SOX5: variants seen among roughly 807,000 people sequenced by gnomAD.
SOX5 encodes transcription factor SOX-5.
A neutral mutation model predicts 92.0 loss-of-function variants in SOX5; 9 were observed. The ratio of observed to expected loss-of-function variants is 0.10; its 90% CI spans 0.06 to 0.17. The LOEUF (loss-of-function observed/expected upper bound fraction) is 0.17. Ranked by LOEUF, SOX5 falls within the 10% of genes least tolerant of loss-of-function variation. The pLI, the probability that SOX5 is intolerant of heterozygous loss-of-function variation, is 1.00. For missense variants in SOX5, 642 were observed against 944.5 expected (o/e 0.68, Z 4.20); for synonymous variants, 344 against 336.3 (o/e 1.02, Z -0.25).
chr12:24,406,250 A>G lies in SOX5; in HGVS notation c.-250-37611T>C, dbSNP rs111585236. 2.2e-3 allele frequency among the ~76,000 whole-genome samples: 338 copies of G among 152,314 alleles called. 2 individuals carry two copies. The highest frequency in any genetic ancestry group is 7.5e-3 in the African/African-American group (313 of 41,578). ...CCAAATCAGAGGCCAGAGGGAACAG[A>G]CTATCTGAAACCAGGTGCTGAGTGG... On this transcript the variant is annotated intron_variant, in intron 1 of 4. Transcript: ENST00000446891.
intron 3 of SOX5, among the ~76,000 whole-genome samples, chr12:24,272,863 T>A (rs1191933722): frequency 1.3e-5 from 2 of 152,114 alleles, no homozygotes; most frequent in Admixed American, 1.3e-4. Flanking sequence ...AGCTTTGGTA[T>A]GAAAATTATA....
chr12:24,349,038 G>C (rs770487382), intron 2 of SOX5, among the ~76,000 whole-genome samples: 10 of 152,172 alleles, frequency 6.6e-5, no homozygotes, highest in Non-Finnish European at 1.0e-4. Context: ...TATTGGCAGT[G>C]TGAGAATGGA....
At chr12:24,233,626 G>A (rs1460910622) in intron 3 of SOX5, among the ~76,000 whole-genome samples, 2 of 152,200 alleles carry the variant, frequency 1.3e-5, no homozygotes, top group African/African-American at 4.8e-5. Flanking sequence ...CCAAATGAGG[G>A]TTTTCTAGAA....
chr12:24,139,750 T>C (rs1414105081), intron 4 of SOX5, among the ~76,000 whole-genome samples: 2 of 152,162 alleles, frequency 1.3e-5, no homozygotes, highest in Non-Finnish European at 2.9e-5. Flanking sequence ...GCTTAACGGG[T>C]GATTCTTTTT....
upstream of SOX5, among the ~76,000 whole-genome samples, chr12:23,949,908 C>T (rs920017725): frequency 2.6e-5 from 4 of 151,636 alleles, no homozygotes; most frequent in Admixed American, 1.3e-4. Context: ...CGGAGCCACA[C>T]GCTCCGGCTG....
rs1460072230 is a variant in SOX5, at chr12:23,988,285, A to G, written c.-1-92261T>C. Reference sequence around the variant, plus strand: ...GGGTCACCTGGGACATCATTCAGTCACCTAGGACTAGTTAATCAGTAGAGA... The same window carrying G: ...GGGTCACCTGGGACATCATTCAGTCGCCTAGGACTAGTTAATCAGTAGAGA... On this transcript the variant is annotated intron_variant, in intron 4 of 4. Coordinates refer to the SOX5 transcript ENST00000446891. 2.6e-5 allele frequency among the ~76,000 whole-genome samples: 4 copies of G among 152,178 alleles called. No individual in the cohort carries two copies. In the East Asian group the frequency reaches 7.7e-4, roughly 29 times the overall value.
intron 4 of SOX5, among the ~76,000 whole-genome samples, chr12:23,976,408 AAAAAAAAAAAAAAAAAG>A (rs1359042239): frequency 6.9e-6 from 1 of 145,092 alleles, no homozygotes; most frequent in East Asian, 2.0e-4. Context: ...CAAAAAAACA[AAAAAAAAAAAAAAAAAG>A]AAGAGAAGGA....
intron 2 of SOX5, among the ~76,000 whole-genome samples, chr12:23,853,357 G>T (rs2096653796): frequency 6.6e-6 from 1 of 151,486 alleles, no homozygotes; most frequent in Non-Finnish European, 1.5e-5. Flanking sequence ...TTTACAATAT[G>T]AAAATATTAT....
chr12:23,867,505 TG>T (rs1448204216), intron 2 of SOX5, among the ~76,000 whole-genome samples: 3 of 152,164 alleles, frequency 2.0e-5, no homozygotes, highest in African/African-American at 7.2e-5. Flanking sequence ...TAAAATTCTA[TG>T]GATCTGTGAG....
At chr12:23,611,153 C>T (rs2075899633) in intron 8 of SOX5, among the ~76,000 whole-genome samples, 1 of 151,908 alleles carries the variant, frequency 6.6e-6, no homozygotes, top group Non-Finnish European at 1.5e-5. Context: ...TCCTCTTTCC[C>T]CCTTGCCTTC....
intron 3 of SOX5, among the ~76,000 whole-genome samples, chr12:23,824,509 C>T (rs1226282849): frequency 1.3e-5 from 2 of 152,178 alleles, no homozygotes; most frequent in Non-Finnish European, 2.9e-5. Flanking sequence ...CCCAGAGGGG[C>T]AGAGCCAGCC....
intron 1 of SOX5, among the ~76,000 whole-genome samples, chr12:24,519,867 G>T (rs913582521): frequency 6.6e-6 from 1 of 152,032 alleles, no homozygotes; most frequent in Non-Finnish European, 1.5e-5. Context: ...CAGAAAACTA[G>T]ACTGAGGCAC....
chr12:24,478,212 C>T (rs11047472), intron 1 of SOX5, among the ~76,000 whole-genome samples: 1 of 152,132 alleles, frequency 6.6e-6, no homozygotes, highest in East Asian at 1.9e-4. Context: ...TATCATAAAA[C>T]GTTAGCACTA....
intron 10 of SOX5, among the ~76,000 whole-genome samples, chr12:23,563,909 T>G (rs769251188): frequency 6.6e-6 from 1 of 152,168 alleles, no homozygotes; most frequent in Non-Finnish European, 1.5e-5. Flanking sequence ...AATAAATCAT[T>G]ATTTGACGGA....
At chr12:24,332,672 C>G (rs572507723) in intron 2 of SOX5, among the ~76,000 whole-genome samples, 2 of 151,798 alleles carry the variant, frequency 1.3e-5, no homozygotes, top group African/African-American at 4.8e-5. Context: ...ATGGTTAGAA[C>G]GATAATTTTA....
chr12:23,699,552 T>C (rs183031337), intron 6 of SOX5, among the ~76,000 whole-genome samples: 42 of 152,340 alleles, frequency 2.8e-4, no homozygotes, highest in Admixed American at 2.7e-3. Context: ...TTCCTTAGCA[T>C]TCTATGCATA....
intron 3 of SOX5, among the ~76,000 whole-genome samples, chr12:23,829,109 C>T (rs961333250): frequency 6.6e-6 from 1 of 151,850 alleles, no homozygotes; most frequent in African/African-American, 2.4e-5. Context: ...CCATAAACAA[C>T]TCCTATTTAA....
At chr12:23,771,187 CAAA>C (rs376988688) in intron 3 of SOX5, among the ~76,000 whole-genome samples, 54 of 108,586 alleles carry the variant, frequency 5.0e-4, no homozygotes, top group Non-Finnish European at 6.5e-4. Context: ...AAAAATGGAG[CAAA>C]AAAAAAAAAA....
rs61660537 is a variant in SOX5 at position 24,344,281 on chromosome 12, C to CAAAAAAAAA, written c.-174+24273_-174+24281dup. 1.8e-3 allele frequency among the ~76,000 whole-genome samples: 188 copies of CAAAAAAAAA among 104,292 alleles called. 3 individuals carry two copies. Among genetic ancestry groups the CAAAAAAAAA allele is most frequent in the African/African-American group, 6.5e-3 (178 of 27,490 alleles). The allele number at this position is 104,292 out of a possible 152,430, so 68.4% of individuals were successfully genotyped here. A position where few individuals can be genotyped will look rare whatever the true frequency, so the allele number is the denominator to read the frequency against. On this transcript the variant is annotated intron_variant, in intron 2 of 4. Transcript: ENST00000446891. Reference sequence around the variant, plus strand: ...CTGGCGACAGAGCAAGACTCTGTCTCAAAAAAAAAAAAAAAAAAAAAAAAA... The same window carrying CAAAAAAAAA: ...CTGGCGACAGAGCAAGACTCTGTCTCAAAAAAAAAAAAAAAAAAAAAAAAAAAAAAAAAA...
Sources: allele counts gnomAD v4.1 joint callset (sites outside exome capture counted in the v4.1 genomes callset), GRCh38; gene constraint gnomAD v4.1.1; transcripts MANE v1.5; gene names NCBI Gene and HGNC (gene_info 2026-07-23, HGNC 2026-07-21).